The following USP32 variants were observed in gnomAD, a reference collection of about 807,000 sequenced individuals.
USP32 encodes ubiquitin specific peptidase 32, also known as ubiquitin carboxyl-terminal hydrolase 32.
Under a neutral mutation model 204.8 loss-of-function variants are expected in USP32, and 59 were observed. That is an observed-to-expected ratio of 0.29 (90% CI 0.23 to 0.36). USP32 has a LOEUF of 0.36. Among genes scored for constraint, USP32 ranks in the 10% least tolerant of loss-of-function variants. The pLI is 1.00. For missense variants in USP32, 1,160 were observed against 1,946.4 expected (o/e 0.60, Z 7.60); for synonymous variants, 517 against 678.4 (o/e 0.76, Z 3.70).
chr17:60,212,683 T>C (rs2085000412), intron 18 of USP32, among the ~76,000 whole-genome samples: 1 of 151,916 alleles, frequency 6.6e-6, no homozygotes, highest in East Asian at 1.9e-4. Flanking sequence ...TCAGAAACAA[T>C]GGAATTTCTT....
intron 1 of USP32, among the ~76,000 whole-genome samples, chr17:60,380,289 A>T (rs1291195098): frequency 6.6e-6 from 1 of 152,190 alleles, no homozygotes; most frequent in Non-Finnish European, 1.5e-5. Flanking sequence ...AAAAGAAGCT[A>T]GGTGCAGTGG....
rs80142904 is a variant in USP32 at position 60,269,556 on chromosome 17, A to C, written c.705T>G (p.Gly235=). 1.5e-4 allele frequency: 236 copies of C among 1,602,124 alleles called. No homozygotes were observed. The East Asian group carries it at 5.2e-3, about 36-fold the overall frequency. The change falls in exon 7 of 34, where the codon GGT becomes GGG. Residue 235 remains glycine, a splice_region_variant and synonymous_variant. Coordinates refer to ENST00000300896, the MANE Select transcript of USP32 (RefSeq NM_032582.4). The part of the protein sequence containing the change: ...SPPIRPSLSE[G]LFNAFDENRD... ...GATTTTCATCAAAAGCATTAAACAA[A>C]CCTGTAAAATAGGAAGAGATGCCAT...
intron 1 of USP32, among the ~76,000 whole-genome samples, chr17:60,414,408 C>T (rs913643707): frequency 6.6e-6 from 1 of 151,512 alleles, no homozygotes; most frequent in Non-Finnish European, 1.5e-5. Flanking sequence ...ACTCTAACTT[C>T]CTTGGTGATT....
chr17:60,185,827 C>A, intron 29 of USP32, 176 bp from the exon 30 acceptor site: 2 of 668,330 alleles, frequency 3.0e-6, no homozygotes, highest in Non-Finnish European at 2.3e-6. Context: ...TTTAGGAGGC[C>A]GAGGTGGGGT....
chr17:60,310,150 AG>A (rs2087820629), intron 2 of USP32, among the ~76,000 whole-genome samples: 1 of 152,236 alleles, frequency 6.6e-6, no homozygotes, highest in African/African-American at 2.4e-5. Flanking sequence ...AATGTAAACT[AG>A]TACAGCCATT....
chr17:60,272,182 A>C (rs1225631808), intron 5 of USP32, among the ~76,000 whole-genome samples: 2 of 152,180 alleles, frequency 1.3e-5, no homozygotes, highest in African/African-American at 4.8e-5. Flanking sequence ...TCCTGGCTAG[A>C]CTGTAAACAT....
chr17:60,222,411 G>T lies in USP32; in HGVS notation c.1747C>A (p.Pro583Thr), dbSNP rs781132713. 3 of 1,613,610 alleles carry T rather than the reference G, an allele frequency of 1.9e-6. No homozygotes were observed. In the African/African-American group the frequency reaches 4.0e-5, roughly 22 times the overall value. The change falls in exon 15 of 34, where the codon CCA (proline) becomes ACA (threonine). Residue 583 changes from proline (P) to threonine (T), a missense_variant and splice_region_variant. Pro to Thr is a conservative substitution (Grantham distance 38). Coordinates refer to ENST00000300896, the MANE Select transcript of USP32 (RefSeq NM_032582.4). ...WYGANLALPR[P>T]VIKNSKTDIP... ...AAGGCACTATTAACTATACTTACTG[G>T]TCTAGGTAAGGCCAGGTTTGCTCCA...
At chr17:60,200,774 C>T (rs2084657540) in intron 26 of USP32, among the ~76,000 whole-genome samples, 1 of 152,150 alleles carries the variant, frequency 6.6e-6, no homozygotes, top group Admixed American at 6.5e-5. Flanking sequence ...ATATCCTATG[C>T]ACAAGTAAAT....
intron 7 of USP32, among the ~76,000 whole-genome samples, chr17:60,268,971 C>A (rs1280112546): frequency 6.6e-6 from 1 of 152,102 alleles, no homozygotes; most frequent in Non-Finnish European, 1.5e-5. Context: ...TTTATGCTTA[C>A]AAATTATGCT....
Position 60,208,199 on chromosome 17 carries a change from C to T in USP32, c.2785G>A (p.Asp929Asn), listed in dbSNP as rs1159360523. The T allele has an allele frequency of 6.4e-7, 1 of 1,554,950 alleles. No homozygotes were observed. Among genetic ancestry groups the T allele is most frequent in the Non-Finnish European group, 8.7e-7 (1 of 1,153,902 alleles). Residue 929 changes from aspartate (D) to asparagine (N), a missense_variant, in exon 24 of 34, where the codon GAT becomes AAT. Transcript: ENST00000300896. ...MHLEITVIKL[D>N]GTTPVRYGLR... Reference sequence around the variant, plus strand: ...CCATACCGTACAGGGGTAGTACCATCTAACTTAATCACTAGTAAAGAGAAA... The same window carrying T: ...CCATACCGTACAGGGGTAGTACCATTTAACTTAATCACTAGTAAAGAGAAA...
At chr17:60,211,983 A>G (rs1212152749) in intron 19 of USP32, 41 bp downstream of exon 19, 1 of 1,473,628 alleles carries the variant, frequency 6.8e-7, no homozygotes, top group Non-Finnish European at 9.3e-7. Flanking sequence ...AAAAGAATAC[A>G]TTTAAAATAA....
intron 30 of USP32, among the ~76,000 whole-genome samples, chr17:60,184,215 TG>T (rs2084188938): frequency 1.3e-5 from 2 of 151,200 alleles, no homozygotes; most frequent in South Asian, 2.1e-4. Context: ...CTCAGGAGGC[TG>T]AGGCAGGAGA....
At chr17:60,410,387 C>T (rs1419783804) in intron 1 of USP32, among the ~76,000 whole-genome samples, 4 of 152,178 alleles carry the variant, frequency 2.6e-5, no homozygotes, top group South Asian at 2.1e-4. Flanking sequence ...ACCCTAGCCT[C>T]GGTGGGCGCG....
At chr17:60,334,968 T>TA (rs1267102799) in intron 2 of USP32, among the ~76,000 whole-genome samples, 1 of 142,182 alleles carries the variant, frequency 7.0e-6, no homozygotes, top group Non-Finnish European at 1.5e-5. Context: ...CACGTTTTTT[T>TA]ATTTAACAGT....
intron 25 of USP32, among the ~76,000 whole-genome samples, chr17:60,205,980 G>A (rs2084816253): frequency 6.6e-6 from 1 of 152,194 alleles, no homozygotes; most frequent in South Asian, 2.1e-4. Flanking sequence ...CTTTGCCTTT[G>A]AAGACACTGT....
intron 1 of USP32, among the ~76,000 whole-genome samples, chr17:60,373,790 A>C (rs2089489304): frequency 6.6e-6 from 1 of 152,166 alleles, no homozygotes; most frequent in African/African-American, 2.4e-5. Context: ...TTTTAAATTT[A>C]ACTTGTTGGC....
intron 3 of USP32, among the ~76,000 whole-genome samples, chr17:60,297,924 C>G (rs1201811043): frequency 6.6e-6 from 1 of 152,198 alleles, no homozygotes; most frequent in East Asian, 1.9e-4. Flanking sequence ...GACAAGAGAG[C>G]TATTTCAGTA....
At chr17:60,276,452 T>C (rs2086841983) in intron 5 of USP32, among the ~76,000 whole-genome samples, 1 of 152,152 alleles carries the variant, frequency 6.6e-6, no homozygotes, top group Non-Finnish European at 1.5e-5. Flanking sequence ...GAAGCCTCTT[T>C]CATTCCTCCA....
At chr17:60,234,372 C>G (rs1406317556) in intron 12 of USP32, among the ~76,000 whole-genome samples, 1 of 151,080 alleles carries the variant, frequency 6.6e-6, no homozygotes, top group Non-Finnish European at 1.5e-5. Context: ...CTTGGCCTCC[C>G]AAAGTGCTGG....
Sources: allele counts gnomAD v4.1 joint callset (sites outside exome capture counted in the v4.1 genomes callset), GRCh38; gene constraint gnomAD v4.1.1; transcripts MANE v1.5; gene names NCBI Gene and HGNC (gene_info 2026-07-23, HGNC 2026-07-21).